Variants in NRXN2 observed in about 807,000 individuals in gnomAD.
NRXN2 encodes the protein neurexin-2-beta.
NRXN2 carries 29 observed loss-of-function variants against 128.8 expected under a neutral mutation model. The ratio of observed to expected loss-of-function variants is 0.23; its 90% CI spans 0.17 to 0.31. The LOEUF (loss-of-function observed/expected upper bound fraction) is 0.31, where lower values mean the gene tolerates loss of function less well. Among genes scored for constraint, NRXN2 ranks in the 10% least tolerant of loss-of-function variants. The pLI, the probability that NRXN2 is intolerant of heterozygous loss-of-function variation, is 1.00. For missense variants in NRXN2, 1,881 were observed against 2,452.6 expected (o/e 0.77, Z 4.92); for synonymous variants, 1,098 against 1,075.2 (o/e 1.02, Z -0.41).
chr11:64,621,105 G>A (rs1357402211), intron 21 of NRXN2, among the ~76,000 whole-genome samples: 1 of 152,100 alleles, frequency 6.6e-6, no homozygotes, highest in Admixed American at 6.5e-5. Flanking sequence ...GAAGGACAAG[G>A]ACGAGCAGGG....
At chr11:64,678,395 C>T (rs766017855) in intron 6 of NRXN2, among the ~76,000 whole-genome samples, 2 of 152,046 alleles carry the variant, frequency 1.3e-5, no homozygotes, top group Non-Finnish European at 2.9e-5. Context: ...AAGTGCCCAC[C>T]ACCACCACCC....
intron 1 of NRXN2, among the ~76,000 whole-genome samples, chr11:64,717,503 C>T (rs1216312381): frequency 6.6e-6 from 1 of 152,188 alleles, no homozygotes; most frequent in Non-Finnish European, 1.5e-5. Flanking sequence ...GTGGGTGGGG[C>T]AGGGGGTGGC....
rs758908751 is a variant in NRXN2, at chr11:64,713,334, G to T, written c.366C>A (p.Arg122=). Residue 122 remains arginine (R), a synonymous_variant, in exon 2 of 23, where the codon CGC becomes CGA. Coordinates refer to ENST00000265459, the MANE Select transcript of NRXN2 (RefSeq NM_015080.4). ...WHMVLLTRDA[R]RTALAVDGEA... ...CGCCGTCCACCGCCAGCGCCGTGCGGCGCGCGTCGCGGGTCAGCAGCACCA... is the reference window on the plus strand; with the variant it reads ...CGCCGTCCACCGCCAGCGCCGTGCGTCGCGCGTCGCGGGTCAGCAGCACCA... The T allele has an allele frequency of 7.6e-5, 105 of 1,375,346 alleles. No homozygotes were observed. Among genetic ancestry groups the T allele is most frequent in the Non-Finnish European group, 9.8e-5 (105 of 1,072,404 alleles). The allele number at this position is 1,375,346 out of a possible 1,614,324, so 85.2% of individuals were successfully genotyped here.
intron 2 of NRXN2, among the ~76,000 whole-genome samples, chr11:64,701,780 G>A (rs901223264): frequency 5.3e-5 from 8 of 152,048 alleles, no homozygotes; most frequent in South Asian, 2.1e-4. Flanking sequence ...GGAAGTGGGG[G>A]GATCAGCCCC....
intron 9 of NRXN2, among the ~76,000 whole-genome samples, chr11:64,665,604 T>A (rs534242268): frequency 6.0e-4 from 91 of 152,220 alleles, no homozygotes; most frequent in African/African-American, 2.0e-3. Context: ...AGGCAACACT[T>A]CGAGGATGGA....
At chr11:64,668,880 A>G (rs1395999646) in intron 7 of NRXN2, among the ~76,000 whole-genome samples, 3 of 152,162 alleles carry the variant, frequency 2.0e-5, no homozygotes, top group Non-Finnish European at 4.4e-5. Flanking sequence ...AGAGCTCCCC[A>G]TGAGGTCCCC....
chr11:64,666,305 G>C (rs977580164), intron 9 of NRXN2, among the ~76,000 whole-genome samples: 1 of 150,986 alleles, frequency 6.6e-6, no homozygotes, highest in African/African-American at 2.4e-5. Context: ...GGGTTCAAGC[G>C]ATTCTCCTGC....
rs57611141 is a variant in NRXN2, at chr11:64,718,880, G to A, written c.-245+4091C>T. Among the ~76,000 whole-genome samples, 454 of 152,260 alleles carry A rather than the reference G, an allele frequency of 3.0e-3. 1 individual carries two copies. Among genetic ancestry groups the A allele is most frequent in the African/African-American group, 0.011 (442 of 41,542 alleles). ...CTTTCCACACCCAGCCACAACCTCAGCAGCAGCAAAAACAAGACAGCACAG... is the reference window on the plus strand; with the variant it reads ...CTTTCCACACCCAGCCACAACCTCAACAGCAGCAAAAACAAGACAGCACAG... On this transcript the variant is annotated intron_variant, in intron 1 of 22. Transcript: ENST00000265459.
intron 1 of NRXN2, among the ~76,000 whole-genome samples, chr11:64,716,277 A>T (rs2057301424): frequency 6.6e-6 from 1 of 152,036 alleles, no homozygotes; most frequent in Admixed American, 6.5e-5. Context: ...AACAGGAGGG[A>T]CTGTTTCCCC....
At chr11:64,612,289 C>T (rs1304444063) in intron 22 of NRXN2, among the ~76,000 whole-genome samples, 3 of 150,832 alleles carry the variant, frequency 2.0e-5, no homozygotes, top group African/African-American at 7.3e-5. Flanking sequence ...TGCAGACTCA[C>T]AATGACTCAT....
intron 19 of NRXN2, among the ~76,000 whole-genome samples, chr11:64,628,442 C>T (rs2043392530): frequency 6.6e-6 from 1 of 152,130 alleles, no homozygotes; most frequent in South Asian, 2.1e-4. Context: ...GATCTGCCCT[C>T]AGTATATACA....
chr11:64,641,078 T>C (rs1039811012), intron 17 of NRXN2, among the ~76,000 whole-genome samples: 3 of 151,796 alleles, frequency 2.0e-5, no homozygotes, highest in African/African-American at 7.3e-5. Context: ...CGAGAACTGA[T>C]GAAGGCACAG....
chr11:64,628,789 T>C (rs1328802415), intron 19 of NRXN2, among the ~76,000 whole-genome samples: 2 of 152,112 alleles, frequency 1.3e-5, no homozygotes, highest in East Asian at 3.9e-4. Context: ...GTTGGCTTGT[T>C]GGGGGGCGTG....
At chr11:64,679,759 G>A (rs1038614571) in intron 6 of NRXN2, among the ~76,000 whole-genome samples, 1 of 152,180 alleles carries the variant, frequency 6.6e-6, no homozygotes, top group East Asian at 1.9e-4. Flanking sequence ...TAGATGAGAT[G>A]GGGCCCCTCT....
chr11:64,631,291 G>A lies in NRXN2; in HGVS notation c.3586-718C>T, dbSNP rs1489568572. 3.0e-4 allele frequency among the ~76,000 whole-genome samples: 46 copies of A among 151,842 alleles called. No individual in the cohort carries two copies. The highest frequency in any genetic ancestry group is 2.1e-4 in the South Asian group (1 of 4,788). ...CAAGAAAGGGGATCGTGGGGGTTTCGGGGTAGGGGGTGGAGCTAGGGGCTG... is the reference window on the plus strand; with the variant it reads ...CAAGAAAGGGGATCGTGGGGGTTTCAGGGTAGGGGGTGGAGCTAGGGGCTG... On this transcript the variant is annotated intron_variant, in intron 18 of 22. Coordinates refer to ENST00000265459, the MANE Select transcript of NRXN2 (RefSeq NM_015080.4). The surrounding 1 kb of genome is among the most constrained non-coding windows in gnomAD (Gnocchi z 4.8).
In NRXN2 at chr11:64,667,517, C is replaced by T. The variant is rs373166886; in HGVS notation, c.1531G>A (p.Ala511Thr). Reference sequence around the variant, plus strand: ...AGGGAGATGGAGCCAGTGCGCTTAGCGCTCCAGCGGGGCAGCGCCACAAAG... The same window carrying T: ...AGGGAGATGGAGCCAGTGCGCTTAGTGCTCCAGCGGGGCAGCGCCACAAAG... ...EAFVALPRWS[A>T]KRTGSISLDF... The change falls in exon 9 of 23, where the codon GCT (alanine) becomes ACT (threonine). Residue 511 changes from alanine (A) to threonine (T), a missense_variant. Coordinates refer to ENST00000265459, the MANE Select transcript of NRXN2 (RefSeq NM_015080.4). The surrounding 1 kb of genome is among the most constrained non-coding windows in gnomAD (Gnocchi z 5.6). 8.7e-6 allele frequency: 14 copies of T among 1,613,928 alleles called. No homozygotes were observed. Among genetic ancestry groups the T allele is most frequent in the South Asian group, 1.1e-5 (1 of 91,092 alleles).
intron 19 of NRXN2, 41 bp from the exon 20 acceptor site, chr11:64,626,593 G>A (rs755717897): frequency 1.0e-5 from 15 of 1,450,330 alleles, no homozygotes; most frequent in Non-Finnish European, 1.1e-5. Flanking sequence ...CTCAGGCAGC[G>A]AAGTCCAAAG....
intron 20 of NRXN2, among the ~76,000 whole-genome samples, chr11:64,625,256 C>T (rs1024089903): frequency 6.6e-6 from 1 of 152,176 alleles, no homozygotes; most frequent in Non-Finnish European, 1.5e-5. Context: ...GCTCCCTTGG[C>T]CTCTCTGATT....
intron 2 of NRXN2, among the ~76,000 whole-genome samples, chr11:64,699,506 C>T (rs1592202955): frequency 1.5e-5 from 2 of 131,960 alleles, no homozygotes; most frequent in South Asian, 5.0e-4. Flanking sequence ...TCTCAGCTCA[C>T]CGCAACCTCC....
Sources: gnomAD v4.1 joint callset for allele counts (sites outside exome capture counted in the v4.1 genomes callset) on GRCh38, gnomAD v4.1.1 for gene constraint, Gnocchi (gnomAD v3.1) non-coding constraint, MANE v1.5 for transcripts, NCBI Gene and HGNC (gene_info 2026-07-23, HGNC 2026-07-21) for gene names.